ZNF629: variants seen among roughly 807,000 people sequenced by gnomAD.
The protein encoded by ZNF629 is zinc finger protein 629.
ZNF629 carries 9 observed loss-of-function variants against 59.7 expected under a neutral mutation model. The observed-to-expected ratio is 0.15, with a 90% confidence interval of 0.09 to 0.26. The LOEUF is 0.26. Among genes scored for constraint, ZNF629 ranks in the 10% least tolerant of loss-of-function variants. ZNF629 has a pLI of 1.00. For synonymous variants in ZNF629, 509 were observed against 498.9 expected, an observed-to-expected ratio of 1.02 and a Z score of -0.27; for missense variants, 853 against 1,165.4, an observed-to-expected ratio of 0.73 and a Z score of 3.90.
At position 30,781,769 on chromosome 16, in the gene ZNF629, T is replaced by C. The variant is rs914941267; in HGVS notation, c.2559A>G (p.Glu853=). 24 of 1,612,790 alleles carry C rather than the reference T, an allele frequency of 1.5e-5. No individual in the cohort carries two copies. Among genetic ancestry groups the C allele is most frequent in the Non-Finnish European group, 1.9e-5 (22 of 1,179,432 alleles). ...TCCTATGGAGCAGGAGGGCTGCGAC[T>C]TCTGTGAAGCCGGCTCCACACTCGG... is the stretch of plus-strand genomic sequence containing the variant. ...LCPECGAGFT[E]VAALLLHRSC... is the part of the protein sequence containing the mutation. The change falls in exon 3 of 3, where the codon GAA becomes GAG. Residue 853 remains glutamate, a synonymous_variant. Transcript: ENST00000262525.
rs747375449 is a variant in ZNF629, at chr16:30,781,869, G to A, written c.2459C>T (p.Thr820Ile). ...TDQEGEGETP[T>I]PTESSSHGEG... is the part of the protein sequence containing the mutation. Reference sequence around the variant, plus strand: ...CCCATGGCTGCTGCTCTCTGTGGGGGTAGGGGTCTCGCCCTCACCTTCCTG... The same window carrying A: ...CCCATGGCTGCTGCTCTCTGTGGGGATAGGGGTCTCGCCCTCACCTTCCTG... The change falls in exon 3 of 3, where the codon ACC becomes ATC. Residue 820 changes from threonine (T) to isoleucine (I), a missense_variant. Coordinates refer to ENST00000262525, the MANE Select transcript of ZNF629 (RefSeq NM_001080417.3). 2.5e-5 allele frequency: 39 copies of A among 1,576,466 alleles called. No individual in the cohort carries two copies. The South Asian group carries it at 4.0e-4, about 16-fold the overall frequency.
chr16:30,783,267 C>T lies in ZNF629; in HGVS notation c.1061G>A (p.Ser354Asn), dbSNP rs1363558951. The change falls in exon 3 of 3, where the codon AGC (serine) becomes AAC (asparagine). Residue 354 changes from serine (S) to asparagine (N), a missense_variant. Around this residue, in one of 3 missense-constraint regions of ZNF629, gnomAD observed 201 missense variants for 536.5 expected, o/e 0.37. Transcript: ENST00000262525. ...GATGAGGGTGGAGCTGTGGCCGAAGCTCTTGCCGCACTCTAGGCACTCGTA... is the reference window on the plus strand; with the variant it reads ...GATGAGGGTGGAGCTGTGGCCGAAGTTCTTGCCGCACTCTAGGCACTCGTA... Reference protein sequence around the residue: ...KPYECLECGKSFGHSSTLIKH... With the variant: ...KPYECLECGKNFGHSSTLIKH... The T allele has an allele frequency of 6.2e-6, 10 of 1,613,642 alleles. No individual in the cohort carries two copies. Among genetic ancestry groups the T allele is most frequent in the Non-Finnish European group, 8.5e-6 (10 of 1,179,926 alleles).
intron 1 of ZNF629, 82 bp from the exon 2 acceptor site, chr16:30,784,597 C>T: frequency 1.8e-6 from 2 of 1,082,514 alleles, no homozygotes; most frequent in African/African-American, 1.6e-5. Flanking sequence ...CACTCCCACC[C>T]TGCCCCGCCC....
At position 30,784,195 on chromosome 16, in the gene ZNF629, T is replaced by C. The variant is rs1182121905; in HGVS notation, c.133A>G (p.Ile45Val). The C allele has an allele frequency of 1.2e-6, 2 of 1,609,368 alleles. No homozygotes were observed. Among genetic ancestry groups the C allele is most frequent in the East Asian group, 4.5e-5 (2 of 44,830 alleles). Residue 45 changes from isoleucine to valine, a missense_variant, in exon 3 of 3, where the codon ATC becomes GTC. By Grantham distance (29) the Ile-to-Val change is conservative. This residue lies in a region of ZNF629 where 232 missense variants were observed against 193.4 expected (regional missense o/e 1.20). Transcript: ENST00000262525. ...PRQESSGEEI[I>V]MGDPAQSPES... ...GGACTCTGAGCCGGGTCTCCCATGA[T>C]GATCTCCTCCCCAGAACTTTCCTGC...
Position 30,781,649 on chromosome 16 carries a change from A to AT in ZNF629, c.*68dup. ...AGGGTTATCCTCCCTTCCCCATGTAATTTTTTTGGGGGAAAAAATCCAGTG... is the reference window on the plus strand; with the variant it reads ...AGGGTTATCCTCCCTTCCCCATGTAATTTTTTTTGGGGGAAAAAATCCAGTG... On this transcript the variant is annotated 3_prime_UTR_variant, in exon 3 of 3. Transcript: ENST00000262525. 3.5e-6 allele frequency: 5 copies of AT among 1,430,846 alleles called. No homozygotes were observed. Among genetic ancestry groups the AT allele is most frequent in the Middle Eastern group, 2.0e-4 (1 of 4,920 alleles). The allele number at this position is 1,430,846 out of a possible 1,614,324, so 88.6% of individuals were successfully genotyped here.
rs769541208 is a variant in ZNF629 at position 30,783,979 on chromosome 16, C to A, written c.349G>T (p.Gly117Cys). 3 of 1,577,826 alleles carry A rather than the reference C, an allele frequency of 1.9e-6. No homozygotes were observed. Among genetic ancestry groups the A allele is most frequent in the Non-Finnish European group, 2.6e-6 (3 of 1,161,998 alleles). ...GGGCTGTTCCATGTGGTGAGAGCGCCCCACTGCCAGCTGGCCTCGCAGGCC... is the reference window on the plus strand; with the variant it reads ...GGGCTGTTCCATGTGGTGAGAGCGCACCACTGCCAGCTGGCCTCGCAGGCC... ...TKACEASWQW[G>C]ALTTWNSPPV... The change falls in exon 3 of 3, where the codon GGC becomes TGC. Residue 117 changes from glycine to cysteine, a missense_variant. Physicochemically the swap from Gly to Cys is radical, Grantham distance 159. Coordinates refer to ENST00000262525, the MANE Select transcript of ZNF629 (RefSeq NM_001080417.3).
Position 30,786,887 on chromosome 16 carries a change from C to A in ZNF629, c.-34+141G>T, listed in dbSNP as rs1029237044. 6.6e-6 allele frequency: 1 copy of A among 151,994 alleles called. No individual in the cohort carries two copies. The highest frequency in any genetic ancestry group is 2.4e-5 in the African/African-American group (1 of 41,400). 9.4% of individuals were successfully genotyped at this position (151,994 alleles called of 1,614,324 possible). On this transcript the variant is annotated intron_variant, in intron 1 of 2. Coordinates refer to ENST00000262525, the MANE Select transcript of ZNF629 (RefSeq NM_001080417.3). The surrounding 1 kb of genome is among the most constrained non-coding windows in gnomAD (Gnocchi z 4.8). ...GGCCCTCCGCGCCCCCCGCCCGCCC[C>A]CACCCCGGCCACAGCCCCGGGCGCG...
rs773610715 is a variant in ZNF629 at position 30,781,989 on chromosome 16, C to T, written c.2339G>A (p.Arg780His). 25 of 1,563,182 alleles carry T rather than the reference C, an allele frequency of 1.6e-5. No homozygotes were observed. The highest frequency in any genetic ancestry group is 2.4e-5 in the South Asian group (2 of 83,574). Residue 780 changes from arginine to histidine, a missense_variant, in exon 3 of 3, where the codon CGC becomes CAC. Arg to His is a conservative substitution (Grantham distance 29). This residue lies in a region of ZNF629 where 420 missense variants were observed against 435.6 expected (regional missense o/e 0.96). Transcript: ENST00000262525. ...TTCTTGGTGCCGGGTGAGGGCCACG[C>T]GGTCGAGGAAGGAGGCCCTGCAATC... is the stretch of plus-strand genomic sequence containing the variant. ...CSDCRASFLD[R>H]VALTRHQETH...
chr16:30,783,105 C>G lies in ZNF629; in HGVS notation c.1223G>C (p.Gly408Ala). The G allele has an allele frequency of 6.2e-7, 1 of 1,614,082 alleles. No individual in the cohort carries two copies. The highest frequency in any genetic ancestry group is 8.5e-7 in the Non-Finnish European group (1 of 1,180,002). Residue 408 changes from glycine to alanine, a missense_variant, in exon 3 of 3, where the codon GGC becomes GCC. Gly to Ala is a moderately conservative substitution (Grantham distance 60). Coordinates refer to ENST00000262525, the MANE Select transcript of ZNF629 (RefSeq NM_001080417.3). ...GERPYKCPEC[G>A]KSFSVSSNLI... ...GTTGGAGCTGACGCTGAAGCTCTTG[C>G]CGCACTCTGGGCACTTGTAGGGCCG... is the stretch of plus-strand genomic sequence containing the variant.
chr16:30,780,990 AG>A lies in ZNF629; in HGVS notation c.*727del, dbSNP rs1331149196. 6.6e-6 allele frequency: 1 copy of A among 152,128 alleles called. No individual in the cohort carries two copies. Among genetic ancestry groups the A allele is most frequent in the African/African-American group, 2.4e-5 (1 of 41,416 alleles). The allele number at this position is 152,128 out of a possible 1,614,324, so 9.4% of individuals were successfully genotyped here. ...TCTTCCCCATTTTGGGGTTTTGATA[AG>A]GGATTCCATAGGCCTCTTTCCCTAA... On this transcript the variant is annotated 3_prime_UTR_variant, in exon 3 of 3. Coordinates refer to ENST00000262525, the MANE Select transcript of ZNF629 (RefSeq NM_001080417.3).
In ZNF629 at chr16:30,781,472, TC is replaced by T. The variant is rs999776745; in HGVS notation, c.*245del. On this transcript the variant is annotated 3_prime_UTR_variant, in exon 3 of 3. Transcript: ENST00000262525. ...TACAGACTTAAAGGGCTTTTTTTTT[TC>T]CTACATATTTATAGGGTTTCTAACC... 1 of 361,140 alleles carries T rather than the reference TC, an allele frequency of 2.8e-6. No homozygotes were observed. Among genetic ancestry groups the T allele is most frequent in the Non-Finnish European group, 4.9e-6 (1 of 202,842 alleles). 22.4% of individuals were successfully genotyped at this position (361,140 alleles called of 1,614,324 possible). A position where few individuals can be genotyped will look rare whatever the true frequency, so the allele number is the denominator to read the frequency against.
chr16:30,781,966 C>T lies in ZNF629; in HGVS notation c.2362G>A (p.Glu788Lys). Residue 788 changes from glutamate (E) to lysine (K), a missense_variant, in exon 3 of 3, where the codon GAA becomes AAA. Coordinates refer to ENST00000262525, the MANE Select transcript of ZNF629 (RefSeq NM_001080417.3). ...GGGGGTTTTTCCTGGGTGTGGGTTT[C>T]TTGGTGCCGGGTGAGGGCCACGCGG... is the stretch of plus-strand genomic sequence containing the variant. ...LDRVALTRHQETHTQEKPPNP... is the reference protein window; with the variant it reads ...LDRVALTRHQKTHTQEKPPNP... The T allele has an allele frequency of 6.4e-7, 1 of 1,552,196 alleles. No homozygotes were observed. The highest frequency in any genetic ancestry group is 8.7e-7 in the Non-Finnish European group (1 of 1,150,104).
chr16:30,782,656 AG>A lies in ZNF629; in HGVS notation c.1671del (p.Ser558ProfsTer3). On this transcript the variant is annotated frameshift_variant, in exon 3 of 3. Transcript: ENST00000262525. LOFTEE classifies it high-confidence loss of function. ...QGDSLLGLGDPSLLTPPPGAK... is the reference protein window; with the variant it reads ...QGDSLLGLGDXSLLTPPPGAK... Reference sequence around the variant, plus strand: ...GCTCCCGGCGGCGGGGTCAGCAGGGAGGGGTCCCCGAGCCCCAGCAGGCTGT... The same window carrying A: ...GCTCCCGGCGGCGGGGTCAGCAGGGAGGGTCCCCGAGCCCCAGCAGGCTGT... The A allele has an allele frequency of 6.3e-7, 1 of 1,583,406 alleles. No homozygotes were observed. Among genetic ancestry groups the A allele is most frequent in the Non-Finnish European group, 8.6e-7 (1 of 1,165,356 alleles).
rs1457856188 is a variant in ZNF629 at position 30,782,313 on chromosome 16, A to G, written c.2015T>C (p.Leu672Pro). The change falls in exon 3 of 3, where the codon CTG becomes CCG. Residue 672 changes from leucine to proline, a missense_variant. Physicochemically the swap from Leu to Pro is moderately conservative, Grantham distance 98 (BLOSUM62 -3). Around this residue, in one of 3 missense-constraint regions of ZNF629, gnomAD observed 420 missense variants for 435.6 expected, o/e 0.96. Transcript: ENST00000262525. ...YICSHCGESF[L>P]DRSVLLQHQL... ...ATGCTGGAGGAGCACAGAGCGATCC[A>G]GGAAGCTCTCTCCGCAGTGGGAGCA... 6.2e-7 allele frequency: 1 copy of G among 1,609,516 alleles called. No homozygotes were observed. Among genetic ancestry groups the G allele is most frequent in the Admixed American group, 1.7e-5 (1 of 59,252 alleles).
At position 30,781,824 on chromosome 16, in the gene ZNF629, G is replaced by C. The variant is rs949638310; in HGVS notation, c.2504C>G (p.Thr835Ser). 6 of 1,605,602 alleles carry C rather than the reference G, an allele frequency of 3.7e-6. 1 individual carries two copies. The South Asian group carries it at 4.4e-5, about 12-fold the overall frequency. The change falls in exon 3 of 3, where the codon ACC (threonine) becomes AGC (serine). Residue 835 changes from threonine (T) to serine (S), a missense_variant. Transcript: ENST00000262525. ...SSHGEGQNPK[T>S]LVEEKPYLCP... ...CAGATAGGGCTTTTCTTCCACTAGG[G>C]TTTTGGGGTTTTGCCCTTCCCCATG... is the stretch of plus-strand genomic sequence containing the variant.
At chr16:30,784,637 TC>T in intron 1 of ZNF629, 122 bp from the exon 2 acceptor site, 1 of 728,450 alleles carries the variant, frequency 1.4e-6, no homozygotes, top group Non-Finnish European at 2.1e-6. Context: ...TTCAGTGTCC[TC>T]CCACCCCATT....
rs368274660 is a variant in ZNF629, at chr16:30,782,674, G to C, written c.1654C>G (p.Leu552Val). ...AGCAGGGAGGGGTCCCCGAGCCCCA[G>C]CAGGCTGTCGCCCTGGGCCCTACGC... ...PARRAQGDSLLGLGDPSLLTP... is the reference protein window; with the variant it reads ...PARRAQGDSLVGLGDPSLLTP... Residue 552 changes from leucine to valine, a missense_variant, in exon 3 of 3, where the codon CTG (leucine) becomes GTG (valine). By Grantham distance (32) the Leu-to-Val change is conservative. Coordinates refer to ENST00000262525, the MANE Select transcript of ZNF629 (RefSeq NM_001080417.3). 109 of 1,597,256 alleles carry C rather than the reference G, an allele frequency of 6.8e-5. No individual in the cohort carries two copies. Among genetic ancestry groups the C allele is most frequent in the Non-Finnish European group, 8.8e-5 (103 of 1,172,318 alleles).
At position 30,783,029 on chromosome 16, in the gene ZNF629, G is replaced by T; in HGVS notation, c.1299C>A (p.Ala433=). 1 of 1,613,596 alleles carries T rather than the reference G, an allele frequency of 6.2e-7. No individual in the cohort carries two copies. The highest frequency in any genetic ancestry group is 8.5e-7 in the Non-Finnish European group (1 of 1,179,894). Residue 433 remains alanine (A), a synonymous_variant, in exon 3 of 3, where the codon GCC becomes GCA. Coordinates refer to ENST00000262525, the MANE Select transcript of ZNF629 (RefSeq NM_001080417.3). ...IHRGERPYIC[A]DCGKSFIMSS... ...TCATGATGAAGCTCTTGCCGCAGTC[G>T]GCGCAGATGTAGGGCCGCTCGCCGC... is the stretch of plus-strand genomic sequence containing the variant.
At chr16:30,785,031 A>C in intron 1 of ZNF629, among the ~76,000 whole-genome samples, 1 of 152,118 alleles carries the variant, frequency 6.6e-6, no homozygotes. Context: ...TTCCCAGAGG[A>C]GACAGAGGCC....
Sources: allele counts gnomAD v4.1 joint callset (sites outside exome capture counted in the v4.1 genomes callset), GRCh38; gene constraint gnomAD v4.1.1; regional missense constraint gnomAD v4.1.1; non-coding constraint Gnocchi (gnomAD v3.1); transcripts MANE v1.5; gene names NCBI Gene and HGNC (gene_info 2026-07-23, HGNC 2026-07-21).